Variants in ZNF91 observed in about 807,000 individuals in gnomAD.
ZNF91 encodes the protein zinc finger protein 91 (HPF7, HTF10).
In ZNF91, 7 loss-of-function variants were observed where a neutral mutation model predicts 12.6. The ratio of observed to expected loss-of-function variants is 0.55; its 90% CI spans 0.31 to 1.04. ZNF91 has a LOEUF of 1.04. Ranked by LOEUF, ZNF91 falls within the 50% of genes least tolerant of loss-of-function variation. The pLI is 0.05. For synonymous variants in ZNF91, 453 were observed against 462.6 expected (o/e 0.98, Z 0.27); for missense variants, 1,217 against 1,385.4 (o/e 0.88, Z 1.93).
intron 1 of ZNF91, chr19:23,326,331 A>G (rs1967836698): frequency 6.6e-6 from 1 of 151,982 alleles, no homozygotes; most frequent in African/African-American, 2.4e-5. Flanking sequence ...TGATTTATTT[A>G]TTTTACTTGT....
chr19:23,307,920 T>C (rs946594982), intron 2 of ZNF91: 1 of 152,270 alleles, frequency 6.6e-6, no homozygotes, highest in African/African-American at 2.4e-5. Flanking sequence ...CTGTATACAC[T>C]GTATATTGTG....
chr19:23,375,743 A>G (rs1234431784), intron 1 of ZNF91, among the ~76,000 whole-genome samples: 1 of 152,230 alleles, frequency 6.6e-6, no homozygotes, highest in Non-Finnish European at 1.5e-5. Flanking sequence ...CTGCCAGATT[A>G]AATGTGATGT....
At chr19:23,350,526 G>T (rs768883099) in intron 3 of ZNF91, among the ~76,000 whole-genome samples, 11 of 152,132 alleles carry the variant, frequency 7.2e-5, no homozygotes, top group Non-Finnish European at 5.9e-5. Context: ...TTTATTTTGC[G>T]AAGGTGCCCA....
chr19:23,342,089 A>G, intron 3 of ZNF91: 2 of 354,396 alleles, frequency 5.6e-6, no homozygotes, highest in Non-Finnish European at 1.0e-5. Context: ...AGAGCATTCT[A>G]TACCACATTT....
intron 1 of ZNF91, among the ~76,000 whole-genome samples, chr19:23,375,498 T>C (rs1969474311): frequency 6.6e-6 from 1 of 152,250 alleles, no homozygotes; most frequent in East Asian, 1.9e-4. Flanking sequence ...AAACTAGACA[T>C]CTTGTTAATG....
intron 3 of ZNF91, among the ~76,000 whole-genome samples, chr19:23,344,554 T>A (rs1968182907): frequency 1.3e-5 from 2 of 152,184 alleles, no homozygotes; most frequent in African/African-American, 4.8e-5. Context: ...TTCCTTTACA[T>A]ACACATCTTT....
At position 23,379,451 on chromosome 19, in the gene ZNF91, C is replaced by A. The variant is rs568905778; in HGVS notation, c.31-4687G>T. ...ACAGAAAGAAAACTGTCTCATTACA[C>A]AATTAAGTCTGAATGTCACATGCAT... On this transcript the variant is annotated intron_variant, in intron 1 of 3. Transcript: ENST00000300619. Among the ~76,000 whole-genome samples, 16 of 152,254 alleles carry A rather than the reference C, an allele frequency of 1.1e-4. No individual in the cohort carries two copies. The South Asian group carries it at 2.5e-3, about 24-fold the overall frequency.
At chr19:23,324,619 T>G (rs1967805149) in intron 1 of ZNF91, 1 of 151,920 alleles carries the variant, frequency 6.6e-6, no homozygotes, top group African/African-American at 2.4e-5. Context: ...AGAAATAATC[T>G]TGCTCTGTCA....
downstream of ZNF91, among the ~76,000 whole-genome samples, chr19:23,354,058 C>T (rs1968429150): frequency 6.6e-6 from 1 of 152,212 alleles, no homozygotes; most frequent in African/African-American, 2.4e-5. Context: ...TTCCACAAGA[C>T]AGAGAAAGGA....
At chr19:23,378,948 T>C (rs1334733051) in intron 1 of ZNF91, among the ~76,000 whole-genome samples, 1 of 152,146 alleles carries the variant, frequency 6.6e-6, no homozygotes, top group Admixed American at 6.5e-5. Context: ...CTAGAGAAAC[T>C]CTCACCTGGG....
intron 3 of ZNF91, among the ~76,000 whole-genome samples, chr19:23,369,435 G>A (rs1400471194): frequency 1.3e-5 from 2 of 151,728 alleles, no homozygotes; most frequent in Non-Finnish European, 2.9e-5. Context: ...GGTGGAGGGC[G>A]CCTCTGCCCG....
intron 2 of ZNF91, chr19:23,308,044 C>G (rs1276433519): frequency 6.6e-6 from 1 of 152,218 alleles, no homozygotes; most frequent in African/African-American, 2.4e-5. Flanking sequence ...ACTTTTCTTT[C>G]TGCCTGGGTC....
At chr19:23,373,346 T>TTATATATATATATATATATATATATATA (rs200251921) in intron 3 of ZNF91, among the ~76,000 whole-genome samples, 1 of 85,802 alleles carries the variant, frequency 1.2e-5, no homozygotes, top group African/African-American at 3.9e-5. Context: ...TCATGTAATC[T>TTATATATATATATATATATATATATATA]TATATATATA....
chr19:23,311,141 T>C (rs1266978156), upstream of ZNF91, among the ~76,000 whole-genome samples: 1 of 152,218 alleles, frequency 6.6e-6, no homozygotes, highest in African/African-American at 2.4e-5. Context: ...GTGATGTGAC[T>C]CACTCTCTTG....
At chr19:23,371,150 A>G (rs1055921865) in intron 3 of ZNF91, among the ~76,000 whole-genome samples, 1 of 152,038 alleles carries the variant, frequency 6.6e-6, no homozygotes, top group East Asian at 1.9e-4. Flanking sequence ...AGACCAGCCT[A>G]ACCAACATGA....
At chr19:23,321,526 C>A (rs1387459281) in intron 1 of ZNF91, among the ~76,000 whole-genome samples, 1 of 152,074 alleles carries the variant, frequency 6.6e-6, no homozygotes, top group African/African-American at 2.4e-5. Context: ...GGGCTCAGCA[C>A]CTAGCTCATG....
rs117657695 is a variant in ZNF91 at position 23,360,276 on chromosome 19, C to T, written c.2703G>A (p.Lys901=). The change falls in exon 4 of 4, where the codon AAG becomes AAA. Residue 901 remains lysine (K), a synonymous_variant. Transcript: ENST00000300619. ...AGGTTTTCTCTCTGGTATGAATTCTCTTATGTTCAGTAAGGGTTGAGGACC... is the reference window on the plus strand; with the variant it reads ...AGGTTTTCTCTCTGGTATGAATTCTTTTATGTTCAGTAAGGGTTGAGGACC... ...FIWSSTLTEH[K]RIHTREKTYK... is the part of the protein sequence containing the mutation. 7.5e-3 allele frequency: 12,106 copies of T among 1,613,678 alleles called. 79 individuals carry two copies. Among genetic ancestry groups the T allele is most frequent in the Non-Finnish European group, 9.9e-3 (11,668 of 1,179,814 alleles).
chr19:23,316,195 CAT>C (rs946087541), intron 1 of ZNF91, among the ~76,000 whole-genome samples: 42 of 148,308 alleles, frequency 2.8e-4, no homozygotes, highest in African/African-American at 8.0e-4. Flanking sequence ...CTGGTCCCCA[CAT>C]GTTTTGGGTT....
At chr19:23,337,368 ATATT>A (rs1049249670), downstream of ZNF91, among the ~76,000 whole-genome samples, 2 of 151,838 alleles carry the variant, frequency 1.3e-5, no homozygotes, top group African/African-American at 2.4e-5. Context: ...GTATATATAT[ATATT>A]TGTTTATACT....
Sources: allele counts gnomAD v4.1 joint callset (sites outside exome capture counted in the v4.1 genomes callset), GRCh38; gene constraint gnomAD v4.1.1; transcripts MANE v1.5; gene names NCBI Gene and HGNC (gene_info 2026-07-23, HGNC 2026-07-21).